Variants in RASA3 observed in about 807,000 individuals in gnomAD.
The protein encoded by RASA3 is ras GTPase-activating protein 3.
A neutral mutation model predicts 110.0 loss-of-function variants in RASA3; 73 were observed. That is an observed-to-expected ratio of 0.66 (90% CI 0.55 to 0.81). The LOEUF (loss-of-function observed/expected upper bound fraction) is 0.81. RASA3 is among the 30% of genes least tolerant of loss of function. The pLI, the probability that RASA3 is intolerant of heterozygous loss-of-function variation, is 0.00. For missense variants in RASA3, 976 were observed against 1,113.2 expected (o/e 0.88, Z 1.75); for synonymous variants, 500 against 451.4 (o/e 1.11, Z -1.37).
intron 4 of RASA3, among the ~76,000 whole-genome samples, chr13:114,030,686 G>A (rs1332089244): frequency 1.3e-5 from 2 of 152,226 alleles, no homozygotes; most frequent in Non-Finnish European, 2.9e-5. Context: ...GCACGGCTGT[G>A]GGTGTGTGTC....
At chr13:114,121,072 A>C (rs1234483648) in intron 1 of RASA3, among the ~76,000 whole-genome samples, 1 of 152,264 alleles carries the variant, frequency 6.6e-6, no homozygotes, top group African/African-American at 2.4e-5. Context: ...TATTAGGAAA[A>C]AGAACAAGTT....
At position 113,980,455 on chromosome 13, in the gene RASA3, G is replaced by T. The variant is rs530921449; in HGVS notation, c.2430-1033C>A. 2.2e-3 allele frequency among the ~76,000 whole-genome samples: 217 copies of T among 98,972 alleles called. 4 individuals are homozygous for T. The South Asian group carries it at 0.06, about 27-fold the overall frequency. The allele number at this position is 98,972 out of a possible 152,430, so 64.9% of individuals were successfully genotyped here. A position where few individuals can be genotyped will look rare whatever the true frequency, so the allele number is the denominator to read the frequency against. On this transcript the variant is annotated intron_variant, in intron 23 of 23. Coordinates refer to ENST00000334062, the MANE Select transcript of RASA3 (RefSeq NM_007368.4). ...TGTGTGCACCTCCTGCCATGTGTGT[G>T]CACCTCCACCCATGTGTGTGCACCT...
At chr13:114,082,889 T>C (rs1407563069) in intron 1 of RASA3, among the ~76,000 whole-genome samples, 1 of 152,178 alleles carries the variant, frequency 6.6e-6, no homozygotes, top group Non-Finnish European at 1.5e-5. Flanking sequence ...AATAATGAGA[T>C]ACACAGTCCT....
At position 114,112,770 on chromosome 13, in the gene RASA3, C is replaced by T. The variant is rs1401346104; in HGVS notation, c.55+19665G>A. 6.6e-6 allele frequency among the ~76,000 whole-genome samples: 1 copy of T among 152,028 alleles called. No individual in the cohort carries two copies. The highest frequency in any genetic ancestry group is 1.5e-5 in the Non-Finnish European group (1 of 67,996). On this transcript the variant is annotated intron_variant, in intron 1 of 23. Transcript: ENST00000334062. This position sits in a 1 kb window ranked among gnomAD's most constrained non-coding sequence, Gnocchi z 4.8. ...TGCCAGCGTCCACTCCCCGTGGGGC[C>T]GCAGGGTACACCAACATCTGAGGCA... is the stretch of plus-strand genomic sequence containing the variant.
intron 5 of RASA3, 86 bp downstream of exon 5, chr13:114,029,725 C>T (rs574217990): frequency 5.7e-5 from 71 of 1,247,172 alleles, no homozygotes; most frequent in South Asian, 4.2e-4. Context: ...AATTCTTGTG[C>T]GTTGGTGTGA....
chr13:114,016,857 C>A (rs539590341), intron 12 of RASA3, among the ~76,000 whole-genome samples: 1 of 152,098 alleles, frequency 6.6e-6, no homozygotes, highest in African/African-American at 2.4e-5. Flanking sequence ...AGTGGGTGTG[C>A]GGGCATCAGA....
At position 114,024,367 on chromosome 13, in the gene RASA3, C is replaced by T. The variant is rs1451720402; in HGVS notation, c.604-12G>A. On this transcript the variant is annotated splice_polypyrimidine_tract_variant and intron_variant, in intron 7 of 23. Transcript: ENST00000334062. ...CAGGGCCGGGTCACCTGGAGTCAGA[C>T]GAGAGAGAAAGCGCTGAGACCGCGG... 16 of 1,613,014 alleles carry T rather than the reference C, an allele frequency of 9.9e-6. No individual in the cohort carries two copies. Among genetic ancestry groups the T allele is most frequent in the Admixed American group, 1.7e-5 (1 of 59,986 alleles).
At chr13:114,079,651 T>C (rs1164800171) in intron 1 of RASA3, among the ~76,000 whole-genome samples, 1 of 152,196 alleles carries the variant, frequency 6.6e-6, no homozygotes, top group African/African-American at 2.4e-5. Flanking sequence ...CAGGTCCTCC[T>C]CCAGGCCCTG....
chr13:114,055,102 G>C (rs913210575), intron 2 of RASA3, among the ~76,000 whole-genome samples: 1 of 152,000 alleles, frequency 6.6e-6, no homozygotes, highest in Admixed American at 6.6e-5. Context: ...GTGTGTGCCC[G>C]TATGTGTGTC....
intron 13 of RASA3, among the ~76,000 whole-genome samples, chr13:114,015,852 G>A (rs2053778617): frequency 6.6e-6 from 1 of 152,146 alleles, no homozygotes; most frequent in African/African-American, 2.4e-5. Flanking sequence ...GGCGGAGGCA[G>A]AGCTGGTCAG....
chr13:114,010,191 C>T (rs185664069), intron 16 of RASA3, among the ~76,000 whole-genome samples: 349 of 152,268 alleles, frequency 2.3e-3, no homozygotes, highest in African/African-American at 8.1e-3. Flanking sequence ...AGAAACCCAA[C>T]GTTTGCCCCA....
At chr13:114,120,049 T>TC in intron 1 of RASA3, among the ~76,000 whole-genome samples, 1 of 105,340 alleles carries the variant, frequency 9.5e-6, no homozygotes, top group Non-Finnish European at 1.8e-5. Flanking sequence ...GGCCCCTCCC[T>TC]CTCTCCAGCC....
At chr13:114,111,616 G>A (rs1277758071) in intron 1 of RASA3, among the ~76,000 whole-genome samples, 1 of 152,236 alleles carries the variant, frequency 6.6e-6, no homozygotes, top group Non-Finnish European at 1.5e-5. Context: ...GCTGCAGGCC[G>A]AGTTCTAACG....
chr13:114,094,622 G>A (rs1448089277), intron 1 of RASA3, among the ~76,000 whole-genome samples: 1 of 152,106 alleles, frequency 6.6e-6, no homozygotes, highest in Non-Finnish European at 1.5e-5. Context: ...AAAAAAACAT[G>A]TTTACCTAAG....
rs1426415890 is a variant in RASA3 at position 114,018,871 on chromosome 13, G to C, written c.834C>G (p.Asp278Glu). 1.2e-6 allele frequency: 2 copies of C among 1,613,962 alleles called. No homozygotes were observed. The highest frequency in any genetic ancestry group is 3.3e-5 in the Admixed American group (2 of 60,024). The stretch of plus-strand genomic sequence containing the variant: ...CGTTCAGCCGCAGGGAGCCCAGGTC[G>C]TCTGGCTTTAGGCTCTTGCTACCAT... Reference protein sequence around the residue: ...RDNGSKSLKPDDLGSLRLNVV... With the variant: ...RDNGSKSLKPEDLGSLRLNVV... Residue 278 changes from aspartate to glutamate, a missense_variant, in exon 10 of 24, where the codon GAC (aspartate) becomes GAG (glutamate). Asp to Glu is a conservative substitution (Grantham distance 45). Transcript: ENST00000334062.
chr13:114,041,163 G>A (rs2054397810), intron 3 of RASA3, 69 bp from the exon 4 acceptor site: 2 of 1,326,506 alleles, frequency 1.5e-6, no homozygotes, highest in Non-Finnish European at 2.2e-6. Context: ...GTGAGCAGAA[G>A]CCAGCCCATC....
At chr13:114,103,112 A>G (rs1481764413) in intron 1 of RASA3, among the ~76,000 whole-genome samples, 1 of 152,176 alleles carries the variant, frequency 6.6e-6, no homozygotes, top group African/African-American at 2.4e-5. Flanking sequence ...GGCTGTGGCC[A>G]ATGGCCGTGA....
rs116166078 is a variant in RASA3, at chr13:114,082,528, C to A, written c.56-8691G>T. Among the ~76,000 whole-genome samples, 847 of 152,324 alleles carry A rather than the reference C, an allele frequency of 5.6e-3. 8 individuals carry two copies. Among genetic ancestry groups the A allele is most frequent in the African/African-American group, 0.019 (781 of 41,576 alleles). ...AGGCTGCTCCCCGGGTGGACACACG[C>A]GCTTGAATGGAGAGTGAGGAACAAA... On this transcript the variant is annotated intron_variant, in intron 1 of 23. Transcript: ENST00000334062.
At chr13:114,120,845 C>T (rs913516392) in intron 1 of RASA3, among the ~76,000 whole-genome samples, 1 of 152,242 alleles carries the variant, frequency 6.6e-6, no homozygotes. Context: ...AATTACGGCT[C>T]AAGCACCAAT....
Sources: allele counts gnomAD v4.1 joint callset (sites outside exome capture counted in the v4.1 genomes callset), GRCh38; gene constraint gnomAD v4.1.1; non-coding constraint Gnocchi (gnomAD v3.1); transcripts MANE v1.5; gene names NCBI Gene and HGNC (gene_info 2026-07-23, HGNC 2026-07-21).